The following PDC variants were observed in gnomAD, a reference collection of about 807,000 sequenced individuals.
The protein encoded by PDC is 33 kDa phototransducing protein.
A neutral mutation model predicts 22.2 loss-of-function variants in PDC; 19 were observed. The ratio of observed to expected loss-of-function variants is 0.86; its 90% CI spans 0.60 to 1.26. The LOEUF is 1.26. Ranked by LOEUF, PDC falls within the 50% of genes most tolerant of loss-of-function variation. The pLI is 0.00. For missense variants in PDC, 274 were observed against 286.8 expected (o/e 0.96, Z 0.32); for synonymous variants, 97 against 96.2 (o/e 1.01, Z -0.05).
chr1:186,460,901 G>A (rs1272909203), intron 1 of PDC, among the ~76,000 whole-genome samples, 158 bp downstream of exon 1: 4 of 152,132 alleles, frequency 2.6e-5, no homozygotes, highest in Admixed American at 6.5e-5. Flanking sequence ...AGAAGGATAC[G>A]CTGTATTTAA....
At chr1:186,455,995 ATATATATATATAT>A (rs373966196) in intron 1 of PDC, among the ~76,000 whole-genome samples, 2,916 of 55,930 alleles carry the variant, frequency 0.052, 420 homozygotes, top group African/African-American at 0.07. Flanking sequence ...AAAAAAAAAA[ATATATATATATAT>A]ATATATATAT....
At chr1:186,454,147 G>T (rs191791338) in intron 1 of PDC, among the ~76,000 whole-genome samples, 163 of 130,022 alleles carry the variant, frequency 1.3e-3, no homozygotes, top group African/African-American at 4.4e-3. Context: ...AGAAGAGTCT[G>T]TTTATTTCTT....
chr1:186,451,950 C>T (rs1662363378), intron 1 of PDC, among the ~76,000 whole-genome samples: 1 of 152,186 alleles, frequency 6.6e-6, no homozygotes. Context: ...AGAGTCCATC[C>T]TTATCTAATG....
intron 1 of PDC, among the ~76,000 whole-genome samples, chr1:186,455,850 T>C (rs1571726374): frequency 1.5e-5 from 2 of 132,232 alleles, no homozygotes; most frequent in East Asian, 2.2e-4. Flanking sequence ...CGGGTGCCTG[T>C]AGTTCCAGCT....
intron 1 of PDC, among the ~76,000 whole-genome samples, chr1:186,455,595 T>G (rs1334892692): frequency 6.6e-6 from 1 of 151,828 alleles, no homozygotes; most frequent in South Asian, 2.1e-4. Flanking sequence ...CTTTCATTTT[T>G]TTTGACTATT....
At chr1:186,448,042 A>G (rs1662272346) in intron 2 of PDC, among the ~76,000 whole-genome samples, 1 of 152,042 alleles carries the variant, frequency 6.6e-6, no homozygotes, top group Non-Finnish European at 1.5e-5. Context: ...TACATAATTG[A>G]CTTAAACTGT....
intron 1 of PDC, among the ~76,000 whole-genome samples, chr1:186,453,254 T>C (rs1662388954): frequency 6.6e-6 from 1 of 152,190 alleles, no homozygotes. Context: ...CAAATATAAA[T>C]GGTCCTGCAT....
At chr1:186,452,528 C>T (rs377235679) in intron 1 of PDC, among the ~76,000 whole-genome samples, 2 of 152,120 alleles carry the variant, frequency 1.3e-5, no homozygotes, top group South Asian at 2.1e-4. Flanking sequence ...CATAAGGCAC[C>T]GTGCCCAGCT....
At chr1:186,453,875 A>G (rs1246856812) in intron 1 of PDC, among the ~76,000 whole-genome samples, 1 of 152,214 alleles carries the variant, frequency 6.6e-6, no homozygotes, top group African/African-American at 2.4e-5. Context: ...AAGGTAGTAT[A>G]GAGCCAGGTT....
In PDC at chr1:186,444,529, A is replaced by C. The variant is rs1299980326; in HGVS notation, c.214-23T>G. On this transcript the variant is annotated intron_variant, in intron 3 of 3. Coordinates refer to ENST00000391997, the MANE Select transcript of PDC (RefSeq NM_002597.5). ...CATCTGAGAATAAAGAAATGATAGA[A>C]ATTATTAAGTCAGAAGTTTTATTCC... 13 of 1,477,760 alleles carry C rather than the reference A, an allele frequency of 8.8e-6. No homozygotes were observed. In the African/African-American group the frequency reaches 9.8e-5, roughly 11 times the overall value. The allele number at this position is 1,477,760 out of a possible 1,614,324, so 91.5% of individuals were successfully genotyped here. A position where few individuals can be genotyped will look rare whatever the true frequency, so the allele number is the denominator to read the frequency against.
chr1:186,446,511 G>T lies in PDC; in HGVS notation c.128C>A (p.Pro43Gln). 6.2e-7 allele frequency: 1 copy of T among 1,601,058 alleles called. No individual in the cohort carries two copies. The highest frequency in any genetic ancestry group is 8.6e-7 in the Non-Finnish European group (1 of 1,169,582). Residue 43 changes from proline to glutamine, a missense_variant, in exon 3 of 4, where the codon CCA becomes CAA. Transcript: ENST00000391997. ...CCTGAGAATCTCCTTCTTGCTAGGTGGAATTGAATCACTGTCTTGACTCTC... is the reference window on the plus strand; with the variant it reads ...CCTGAGAATCTCCTTCTTGCTAGGTTGAATTGAATCACTGTCTTGACTCTC... ...KLESQDSDSIPPSKKEILRQM... is the reference protein window; with the variant it reads ...KLESQDSDSIQPSKKEILRQM...
intron 1 of PDC, among the ~76,000 whole-genome samples, chr1:186,454,864 A>G (rs1320400907): frequency 1.3e-5 from 2 of 152,234 alleles, no homozygotes; most frequent in Non-Finnish European, 2.9e-5. Flanking sequence ...AATTCTACAG[A>G]TTCAGGGATT....
chr1:186,454,766 T>G (rs1450040829), intron 1 of PDC, among the ~76,000 whole-genome samples: 2 of 152,234 alleles, frequency 1.3e-5, no homozygotes, highest in Non-Finnish European at 2.9e-5. Flanking sequence ...GTGAGATATT[T>G]CACTCATGGA....
chr1:186,458,266 G>A, intron 1 of PDC, among the ~76,000 whole-genome samples: 1 of 122,748 alleles, frequency 8.1e-6, no homozygotes, highest in Non-Finnish European at 1.6e-5. Flanking sequence ...AGAAGGTTGA[G>A]ACAAGAGCAC....
intron 1 of PDC, among the ~76,000 whole-genome samples, chr1:186,459,983 T>C (rs1311165926): frequency 6.6e-6 from 1 of 151,126 alleles, no homozygotes; most frequent in Non-Finnish European, 1.5e-5. Context: ...ACAAACTCTG[T>C]GTTCTTTTCT....
chr1:186,444,390 T>C lies in PDC; in HGVS notation c.330A>G (p.Arg110=), dbSNP rs1002955548. The C allele has an allele frequency of 3.1e-6, 5 of 1,613,980 alleles. No homozygotes were observed. Among genetic ancestry groups the C allele is most frequent in the East Asian group, 2.2e-5 (1 of 44,888 alleles). The change falls in exon 4 of 4, where the codon AGA becomes AGG. Residue 110 remains arginine (R), a synonymous_variant. Coordinates refer to ENST00000391997, the MANE Select transcript of PDC (RefSeq NM_002597.5). ...DMHQKLSFGP[R]YGFVYELETG... is the part of the protein sequence containing the mutation. ...TTTCCAGCTCATACACAAACCCATA[T>C]CTAGGCCCAAAACTCAGCTTCTGGT...
At chr1:186,444,611 T>C in intron 3 of PDC, 105 bp from the exon 4 acceptor site, 4 of 690,124 alleles carry the variant, frequency 5.8e-6, no homozygotes, top group Non-Finnish European at 9.6e-6. Flanking sequence ...CTTTTTTTTC[T>C]GCCTGGACCA....
intron 1 of PDC, among the ~76,000 whole-genome samples, chr1:186,456,269 A>G (rs1267820297): frequency 6.6e-6 from 1 of 151,970 alleles, no homozygotes; most frequent in African/African-American, 2.4e-5. Context: ...AATATATCAC[A>G]TGCAATGTTT....
At chr1:186,447,104 T>C (rs1268052442) in intron 2 of PDC, among the ~76,000 whole-genome samples, 1 of 152,092 alleles carries the variant, frequency 6.6e-6, no homozygotes, top group African/African-American at 2.4e-5. Flanking sequence ...CCCATTCTTC[T>C]AAGATTCTAG....
Sources: gnomAD v4.1 joint callset for allele counts (sites outside exome capture counted in the v4.1 genomes callset) on GRCh38, gnomAD v4.1.1 for gene constraint, MANE v1.5 for transcripts, NCBI Gene and HGNC (gene_info 2026-07-23, HGNC 2026-07-21) for gene names.